The following RGS6 variants were observed in gnomAD, a reference collection of about 807,000 sequenced individuals.
RGS6 encodes regulator of G-protein signaling 6.
A neutral mutation model predicts 78.5 loss-of-function variants in RGS6; 30 were observed. The observed-to-expected ratio is 0.38, with a 90% CI of 0.29 to 0.52. RGS6 has a LOEUF of 0.52. Among genes scored for constraint, RGS6 ranks in the 20% least tolerant of loss-of-function variants. The probability of loss-of-function intolerance (pLI) is 0.85; values close to 1 mark genes in which losing one functional copy is unlikely to be tolerated. For missense variants in RGS6, 495 were observed against 609.7 expected, an observed-to-expected ratio of 0.81 and a Z score of 1.98; for synonymous variants, 206 against 206.0, an observed-to-expected ratio of 1.00 and a Z score of 0.00.
chr14:72,033,178 T>C (rs1003738674), intron 2 of RGS6, among the ~76,000 whole-genome samples: 1 of 152,170 alleles, frequency 6.6e-6, no homozygotes, highest in East Asian at 1.9e-4. Flanking sequence ...AATTGTCATA[T>C]AATTTATTAA....
intron 2 of RGS6, among the ~76,000 whole-genome samples, chr14:71,974,315 C>G (rs1402403341): frequency 6.6e-6 from 1 of 152,116 alleles, no homozygotes; most frequent in Non-Finnish European, 1.5e-5. Flanking sequence ...CAGAGCAAAA[C>G]AGAAAATGGA....
chr14:71,970,520 C>G (rs2093736850), intron 2 of RGS6, among the ~76,000 whole-genome samples: 1 of 152,070 alleles, frequency 6.6e-6, no homozygotes, highest in African/African-American at 2.4e-5. Context: ...AAGGATCTAG[C>G]CTGGAAGAAT....
At chr14:72,356,713 C>G (rs1367659526) in intron 3 of RGS6, among the ~76,000 whole-genome samples, 1 of 152,004 alleles carries the variant, frequency 6.6e-6, no homozygotes, top group African/African-American at 2.4e-5. Context: ...TGAGTGAGTT[C>G]TAATGAGATC....
chr14:71,967,386 A>C (rs1041501037), intron 2 of RGS6, among the ~76,000 whole-genome samples: 3 of 152,104 alleles, frequency 2.0e-5, no homozygotes, highest in Admixed American at 2.0e-4. Context: ...ATTTTCATAT[A>C]GTTTTCTACT....
chr14:72,348,479 C>G (rs2078484424), intron 2 of RGS6, among the ~76,000 whole-genome samples: 1 of 152,174 alleles, frequency 6.6e-6, no homozygotes, highest in Non-Finnish European at 1.5e-5. Flanking sequence ...TGAGAGCCCA[C>G]TTGTAATTTT....
At chr14:72,417,301 C>G (rs1331858813) in intron 3 of RGS6, among the ~76,000 whole-genome samples, 1 of 152,204 alleles carries the variant, frequency 6.6e-6, no homozygotes, top group Non-Finnish European at 1.5e-5. Flanking sequence ...GACTGCCCCC[C>G]CACCAAGTCA....
intron 2 of RGS6, among the ~76,000 whole-genome samples, chr14:71,998,969 G>A (rs207474951): frequency 2.6e-5 from 4 of 152,162 alleles, no homozygotes; most frequent in South Asian, 4.1e-4. Flanking sequence ...AGTGTTTCAC[G>A]TCTGTAATCC....
At chr14:72,399,671 G>GT (rs1282654985) in intron 3 of RGS6, among the ~76,000 whole-genome samples, 2 of 152,154 alleles carry the variant, frequency 1.3e-5, no homozygotes, top group African/African-American at 4.8e-5. Context: ...GCTGGTACCA[G>GT]TTGTTCCTTT....
chr14:72,599,393 C>CTTTTGTTTTT, the RGS6 span, among the ~76,000 whole-genome samples: 9 of 78,224 alleles, frequency 1.2e-4, 1 homozygote, highest in African/African-American at 5.1e-4. Flanking sequence ...CTTTTCTTTC[C>CTTTTGTTTTT]TTTTTTTTTT....
At chr14:72,014,254 G>A (rs1285061808) in intron 2 of RGS6, among the ~76,000 whole-genome samples, 2 of 152,216 alleles carry the variant, frequency 1.3e-5, no homozygotes, top group East Asian at 3.8e-4. Flanking sequence ...TTTAGTTGCT[G>A]CTGCTGAATT....
At chr14:71,875,400 C>A in the RGS6 span, among the ~76,000 whole-genome samples, 2 of 152,106 alleles carry the variant, frequency 1.3e-5, no homozygotes, top group African/African-American at 2.4e-5. Flanking sequence ...GGAATTTATC[C>A]ATTTCTTCTA....
the RGS6 span, among the ~76,000 whole-genome samples, chr14:72,614,703 A>C: frequency 6.8e-6 from 1 of 147,106 alleles, no homozygotes; most frequent in Non-Finnish European, 1.5e-5. Flanking sequence ...ATCAGTGTTC[A>C]GAACTGGGCA....
At chr14:72,050,582 A>G (rs2093170127) in intron 2 of RGS6, among the ~76,000 whole-genome samples, 1 of 152,174 alleles carries the variant, frequency 6.6e-6, no homozygotes, top group Non-Finnish European at 1.5e-5. Context: ...TGATTACATG[A>G]TTAAGGTAAC....
At chr14:72,513,547 T>C (rs755414884) in intron 14 of RGS6, among the ~76,000 whole-genome samples, 2 of 152,224 alleles carry the variant, frequency 1.3e-5, no homozygotes, top group East Asian at 3.8e-4. Flanking sequence ...GACAGCTGTT[T>C]GTTGAGTGCC....
intron 2 of RGS6, among the ~76,000 whole-genome samples, chr14:72,098,456 G>GT (rs1332298472): frequency 6.6e-6 from 1 of 152,194 alleles, no homozygotes; most frequent in Non-Finnish European, 1.5e-5. Context: ...GGGGGCATTT[G>GT]TTCTTTTGAC....
the RGS6 span, among the ~76,000 whole-genome samples, chr14:72,609,010 C>T: frequency 6.6e-6 from 1 of 152,194 alleles, no homozygotes; most frequent in Non-Finnish European, 1.5e-5. Context: ...CCTAACTATC[C>T]GTAGGGAAAA....
chr14:72,204,391 G>C (rs1350551931), intron 2 of RGS6, among the ~76,000 whole-genome samples: 2 of 152,176 alleles, frequency 1.3e-5, no homozygotes, highest in African/African-American at 4.8e-5. Context: ...CATCCTAGAA[G>C]GCAGTCCCAG....
intron 2 of RGS6, among the ~76,000 whole-genome samples, chr14:72,181,195 T>A (rs977454527): frequency 2.0e-5 from 3 of 152,232 alleles, no homozygotes; most frequent in Admixed American, 2.0e-4. Context: ...GTTAAAATAT[T>A]TTGGTTAGTT....
chr14:72,373,547 A>C (rs2083959136), intron 3 of RGS6, among the ~76,000 whole-genome samples: 2 of 152,212 alleles, frequency 1.3e-5, no homozygotes, highest in African/African-American at 4.8e-5. Context: ...GAATTTTAAA[A>C]GCCTATATGA....
Sources: allele counts gnomAD v4.1 joint callset (sites outside exome capture counted in the v4.1 genomes callset), GRCh38; gene constraint gnomAD v4.1.1; transcripts MANE v1.5; gene names NCBI Gene and HGNC (gene_info 2026-07-23, HGNC 2026-07-21).